OTOA: variants seen among roughly 807,000 people sequenced by gnomAD.
The protein encoded by OTOA is cancer/testis antigen 108.
In OTOA, 70 loss-of-function variants were observed where a neutral mutation model predicts 110.8. That is an observed-to-expected ratio of 0.63 (90% CI 0.52 to 0.77). OTOA has a LOEUF of 0.77. OTOA is among the 30% of genes least tolerant of loss of function. OTOA has a pLI of 0.00. For missense variants in OTOA, 917 were observed against 1,075.8 expected (o/e 0.85, Z 2.06); for synonymous variants, 373 against 431.5 (o/e 0.86, Z 1.68).
intron 9 of OTOA, among the ~76,000 whole-genome samples, chr16:21,693,644 C>A (rs577178113): frequency 6.6e-6 from 1 of 152,270 alleles, no homozygotes; most frequent in Non-Finnish European, 1.5e-5. Flanking sequence ...TGCAGTGGCA[C>A]AATCTCGGCT....
At chr16:21,718,585 G>T (rs568166802) in intron 15 of OTOA, among the ~76,000 whole-genome samples, 1 of 152,156 alleles carries the variant, frequency 6.6e-6, no homozygotes, top group South Asian at 2.1e-4. Context: ...ACTTGATTGC[G>T]TCTGCAAGTT....
intron 8 of OTOA, among the ~76,000 whole-genome samples, chr16:21,690,309 A>G (rs1897802827): frequency 6.6e-6 from 1 of 151,996 alleles, no homozygotes; most frequent in Admixed American, 6.6e-5. Context: ...CAAGCCCAGC[A>G]TGCATTAGAT....
At chr16:21,716,464 G>T (rs1002851086) in intron 14 of OTOA, among the ~76,000 whole-genome samples, 1 of 151,932 alleles carries the variant, frequency 6.6e-6, no homozygotes, top group Non-Finnish European at 1.5e-5. Flanking sequence ...CCAGCTACTC[G>T]GGAGGCTGAG....
chr16:21,722,072 A>C (rs184832684), intron 17 of OTOA, among the ~76,000 whole-genome samples: 20 of 140,514 alleles, frequency 1.4e-4, no homozygotes, highest in East Asian at 6.2e-4. Context: ...CAAAAAAAAA[A>C]CCCCAAAAAA....
intron 12 of OTOA, among the ~76,000 whole-genome samples, chr16:21,707,018 C>A (rs1898188517): frequency 1.3e-5 from 2 of 151,738 alleles, no homozygotes; most frequent in Non-Finnish European, 2.9e-5. Flanking sequence ...TGCATGCCAC[C>A]ATGCCCGGCT....
At position 21,664,109 on chromosome 16, in the gene OTOA, G is replaced by C. The variant is rs981451748; in HGVS notation, c.-128G>C. The C allele has an allele frequency of 2.4e-4, 37 of 152,324 alleles. No homozygotes were observed. Among genetic ancestry groups the C allele is most frequent in the Admixed American group, 7.2e-4 (11 of 15,302 alleles). 9.4% of individuals were successfully genotyped at this position (152,324 alleles called of 1,614,324 possible). A position where few individuals can be genotyped will look rare whatever the true frequency, so the allele number is the denominator to read the frequency against. On this transcript the variant is annotated 5_prime_UTR_variant, in exon 1 of 29. Transcript: ENST00000646100. ...GGGCCGCTGCAGGGAGGAGGTCGCA[G>C]AGCTGCCGGCTGGCGCCGCCCCGCC...
At chr16:21,686,229 T>C (rs976076104) in intron 7 of OTOA, among the ~76,000 whole-genome samples, 5 of 151,650 alleles carry the variant, frequency 3.3e-5, no homozygotes, top group African/African-American at 1.2e-4. Flanking sequence ...TGAGAATTAA[T>C]CAGATGATGC....
intron 18 of OTOA, among the ~76,000 whole-genome samples, chr16:21,724,080 A>G (rs554858270): frequency 6.6e-6 from 1 of 152,312 alleles, no homozygotes; most frequent in African/African-American, 2.4e-5. Flanking sequence ...CAAGAAAGCC[A>G]GGTGCTGTTA....
intron 1 of OTOA, among the ~76,000 whole-genome samples, chr16:21,668,041 T>C (rs1170785569): frequency 6.6e-6 from 1 of 152,126 alleles, no homozygotes; most frequent in African/African-American, 2.4e-5. Flanking sequence ...AACTTAAAAC[T>C]ATTAACAATA....
intron 1 of OTOA, among the ~76,000 whole-genome samples, chr16:21,669,894 G>T (rs1966846791): frequency 6.6e-6 from 1 of 152,106 alleles, no homozygotes; most frequent in Admixed American, 6.6e-5. Context: ...GGGAGGCTGA[G>T]GTGGGTGGAT....
intron 1 of OTOA, among the ~76,000 whole-genome samples, chr16:21,677,965 C>A (rs898672316): frequency 4.6e-5 from 7 of 152,078 alleles, no homozygotes; most frequent in African/African-American, 1.7e-4. Context: ...TGGCTCACTG[C>A]AACCTCTACC....
rs186657112 is a variant in OTOA at position 21,667,895 on chromosome 16, C to T, written c.-5+3663C>T. 1.9e-3 allele frequency among the ~76,000 whole-genome samples: 283 copies of T among 152,134 alleles called. 3 individuals carry two copies. The highest frequency in any genetic ancestry group is 6.6e-3 in the African/African-American group (272 of 41,510). On this transcript the variant is annotated intron_variant, in intron 1 of 28. Transcript: ENST00000646100. The stretch of plus-strand genomic sequence containing the variant: ...GGTTTTAAAAAACTATTTAAACAAC[C>T]TAAAAAATCATTTTAAGCTCATGAG...
intron 1 of OTOA, among the ~76,000 whole-genome samples, chr16:21,673,474 C>T (rs745811498): frequency 1.6e-4 from 24 of 152,114 alleles, no homozygotes; most frequent in Non-Finnish European, 3.2e-4. Context: ...GCCTTATCTC[C>T]CTCTCCCCAT....
At chr16:21,758,305 T>G (rs1292778560) in intron 28 of OTOA, among the ~76,000 whole-genome samples, 1 of 150,962 alleles carries the variant, frequency 6.6e-6, no homozygotes, top group Admixed American at 6.6e-5. Context: ...CCTGCCCTCA[T>G]TGAGCTCTCA....
At chr16:21,706,099 CAG>C (rs3054188) in intron 12 of OTOA, among the ~76,000 whole-genome samples, 36,290 of 151,976 alleles carry the variant, frequency 0.24, 4,372 homozygotes, top group Middle Eastern at 0.27. Context: ...AAAAAAAGAA[CAG>C]AAAAGAAAAG....
At position 21,728,379 on chromosome 16, in the gene OTOA, C is replaced by A. The variant is rs1898996676; in HGVS notation, c.2155C>A (p.Leu719Ile). The A allele has an allele frequency of 6.2e-7, 1 of 1,614,034 alleles. No homozygotes were observed. The highest frequency in any genetic ancestry group is 1.7e-5 in the Admixed American group (1 of 60,006). Reference sequence around the variant, plus strand: ...ACACGGCCTCAGAGACTGCCCAGACCTCAACCCTGAGCAAAAGGCTGCAGT... The same window carrying A: ...ACACGGCCTCAGAGACTGCCCAGACATCAACCCTGAGCAAAAGGCTGCAGT... ...ALHGLRDCPD[L>I]NPEQKAAVRL... The change falls in exon 20 of 29, where the codon CTC becomes ATC. Residue 719 changes from leucine to isoleucine, a missense_variant. Leu to Ile is a conservative substitution (Grantham distance 5). Coordinates refer to ENST00000646100, the MANE Select transcript of OTOA (RefSeq NM_144672.4).
At chr16:21,699,839 A>G (rs1365832837) in intron 10 of OTOA, among the ~76,000 whole-genome samples, 2 of 152,116 alleles carry the variant, frequency 1.3e-5, no homozygotes, top group East Asian at 3.9e-4. Context: ...GTATCACTTG[A>G]ACCCGGGAGG....
At chr16:21,706,363 A>C (rs1597825912) in intron 12 of OTOA, among the ~76,000 whole-genome samples, 1 of 152,188 alleles carries the variant, frequency 6.6e-6, no homozygotes, top group Non-Finnish European at 1.5e-5. Context: ...GAGCGGCAGG[A>C]GATAAAGCAG....
intron 1 of OTOA, among the ~76,000 whole-genome samples, chr16:21,676,240 A>G (rs1966857423): frequency 6.6e-6 from 1 of 151,830 alleles, no homozygotes; most frequent in African/African-American, 2.4e-5. Context: ...TTTTGATTAG[A>G]TCTGGACACT....
Sources: allele counts gnomAD v4.1 joint callset (sites outside exome capture counted in the v4.1 genomes callset), GRCh38; gene constraint gnomAD v4.1.1; transcripts MANE v1.5; gene names NCBI Gene and HGNC (gene_info 2026-07-23, HGNC 2026-07-21).